The following CTNNA3 variants were observed in gnomAD, a reference collection of about 807,000 sequenced individuals.
The protein encoded by CTNNA3 is catenin alpha-3.
Under a neutral mutation model 95.7 loss-of-function variants are expected in CTNNA3, and 76 were observed. The observed-to-expected ratio is 0.79, with a 90% confidence interval of 0.66 to 0.96. The LOEUF is 0.96. Among genes scored for constraint, CTNNA3 ranks in the 40% least tolerant of loss-of-function variants. CTNNA3 has a pLI of 0.00. For missense variants in CTNNA3, 1,191 were observed against 1,089.8 expected (o/e 1.09, Z -1.31); for synonymous variants, 431 against 374.4 (o/e 1.15, Z -1.74).
intron 7 of CTNNA3, among the ~76,000 whole-genome samples, chr10:66,850,113 G>C (rs1038346466): frequency 6.6e-6 from 1 of 151,904 alleles, no homozygotes; most frequent in Non-Finnish European, 1.5e-5. Flanking sequence ...AGTTAATCAA[G>C]AAATAAAGAA....
intron 11 of CTNNA3, among the ~76,000 whole-genome samples, chr10:66,398,515 T>C (rs1051177612): frequency 1.3e-5 from 2 of 151,736 alleles, no homozygotes; most frequent in Admixed American, 1.3e-4. Context: ...CACACAACCA[T>C]ATAATAAGGA....
intron 5 of CTNNA3, among the ~76,000 whole-genome samples, chr10:67,251,959 C>A (rs1866124252): frequency 6.6e-6 from 1 of 152,040 alleles, no homozygotes; most frequent in Non-Finnish European, 1.5e-5. Flanking sequence ...CCTGTAATCC[C>A]AGCACTTTGG....
At chr10:67,238,088 C>G (rs1308448538) in intron 5 of CTNNA3, among the ~76,000 whole-genome samples, 1 of 152,074 alleles carries the variant, frequency 6.6e-6, no homozygotes. Flanking sequence ...AATGAGAATA[C>G]AGAGAGAAGA....
At chr10:66,351,260 T>C (rs2092564597) in intron 12 of CTNNA3, among the ~76,000 whole-genome samples, 1 of 152,062 alleles carries the variant, frequency 6.6e-6, no homozygotes, top group South Asian at 2.1e-4. Context: ...TGCCAAGTGC[T>C]CTGCTATTTC....
intron 7 of CTNNA3, among the ~76,000 whole-genome samples, chr10:67,167,518 A>T (rs1266360476): frequency 1.3e-5 from 2 of 152,364 alleles, no homozygotes; most frequent in East Asian, 1.9e-4. Context: ...TTAGTTGGTC[A>T]ACCAAGTTAT....
intron 11 of CTNNA3, among the ~76,000 whole-genome samples, chr10:66,399,362 G>C (rs373303635): frequency 5.8e-4 from 88 of 151,532 alleles, no homozygotes; most frequent in African/African-American, 2.1e-3. Flanking sequence ...TGATCACTTA[G>C]AACAATATTA....
chr10:66,406,126 G>A (rs979302208), intron 11 of CTNNA3, among the ~76,000 whole-genome samples: 1 of 152,116 alleles, frequency 6.6e-6, no homozygotes, highest in Non-Finnish European at 1.5e-5. Flanking sequence ...TGAAAAAAGG[G>A]ATCTGAGAAC....
intron 13 of CTNNA3, among the ~76,000 whole-genome samples, chr10:66,262,583 C>CT (rs923609865): frequency 9.6e-4 from 144 of 149,720 alleles, no homozygotes; most frequent in African/African-American, 2.5e-3. Flanking sequence ...ATAGAATGGT[C>CT]TTTTTTTTTG....
At chr10:66,873,313 T>C (rs1389704622) in intron 7 of CTNNA3, among the ~76,000 whole-genome samples, 1 of 152,136 alleles carries the variant, frequency 6.6e-6, no homozygotes, top group African/African-American at 2.4e-5. Flanking sequence ...CCACCAACAG[T>C]GTATAAGCAT....
chr10:67,058,403 C>A (rs1019803429), intron 7 of CTNNA3, among the ~76,000 whole-genome samples: 8 of 152,046 alleles, frequency 5.3e-5, no homozygotes, highest in Non-Finnish European at 1.5e-5. Context: ...TAAAGTCCAC[C>A]ACAGGTACAA....
At position 65,988,814 on chromosome 10, in the gene CTNNA3, A is replaced by T; in HGVS notation, c.2160-17T>A. The T allele has an allele frequency of 6.3e-7, 1 of 1,579,518 alleles. No homozygotes were observed. The highest frequency in any genetic ancestry group is 1.7e-4 in the Middle Eastern group (1 of 5,986). ...CCTTTGCCCCTGGAAAAAAATTTAT[A>T]TATGTTAGCTGTGGTGTTCATGAGA... On this transcript the variant is annotated splice_polypyrimidine_tract_variant and intron_variant, in intron 15 of 17. Transcript: ENST00000433211.
chr10:67,040,551 T>C (rs1854329046), intron 7 of CTNNA3, among the ~76,000 whole-genome samples: 1 of 152,138 alleles, frequency 6.6e-6, no homozygotes, highest in Non-Finnish European at 1.5e-5. Context: ...CCTTAGTTCT[T>C]ATGGATTCTT....
At chr10:67,577,387 T>C (rs1231027962) in intron 3 of CTNNA3, among the ~76,000 whole-genome samples, 2 of 152,174 alleles carry the variant, frequency 1.3e-5, no homozygotes, top group African/African-American at 2.4e-5. Context: ...GTTTGTTTTT[T>C]TCTTGTAAAT....
intron 10 of CTNNA3, among the ~76,000 whole-genome samples, chr10:66,564,793 T>C (rs1842655601): frequency 6.6e-6 from 1 of 152,166 alleles, no homozygotes; most frequent in Non-Finnish European, 1.5e-5. Flanking sequence ...AGCTAGGCAA[T>C]TTATGGATGC....
intron 13 of CTNNA3, among the ~76,000 whole-genome samples, chr10:66,247,073 A>G (rs978942711): frequency 2.7e-5 from 4 of 149,716 alleles, no homozygotes; most frequent in Non-Finnish European, 4.4e-5. Flanking sequence ...AAAAAAAATT[A>G]CTGAGCTTGA....
chr10:67,280,640 C>A (rs1264422828), intron 5 of CTNNA3, among the ~76,000 whole-genome samples: 1 of 152,004 alleles, frequency 6.6e-6, no homozygotes, highest in Non-Finnish European at 1.5e-5. Context: ...CCTGGTGACT[C>A]CACCCCATTC....
intron 5 of CTNNA3, among the ~76,000 whole-genome samples, chr10:67,412,372 A>G (rs1394997457): frequency 2.0e-5 from 3 of 152,154 alleles, no homozygotes; most frequent in African/African-American, 4.8e-5. Flanking sequence ...ATGACCAAAT[A>G]TATGATTCAT....
chr10:66,685,690 A>T (rs1289876825), intron 9 of CTNNA3, among the ~76,000 whole-genome samples: 6 of 151,838 alleles, frequency 4.0e-5, no homozygotes, highest in East Asian at 2.0e-4. Flanking sequence ...TATTTTTTTT[A>T]AAAAGTTTGC....
intron 1 of CTNNA3, among the ~76,000 whole-genome samples, chr10:67,693,128 G>A (rs1001262698): frequency 1.3e-5 from 2 of 152,102 alleles, no homozygotes; most frequent in South Asian, 2.1e-4. Context: ...GATTAAATTG[G>A]TTACAGATTA....
Sources: gnomAD v4.1 joint callset for allele counts (sites outside exome capture counted in the v4.1 genomes callset) on GRCh38, gnomAD v4.1.1 for gene constraint, MANE v1.5 for transcripts, NCBI Gene and HGNC (gene_info 2026-07-23, HGNC 2026-07-21) for gene names.